Variants in TMEM14A observed in about 807,000 individuals in gnomAD.
The protein encoded by TMEM14A is transmembrane protein 14A.
Under a neutral mutation model 11.6 loss-of-function variants are expected in TMEM14A, and 8 were observed. The observed-to-expected ratio is 0.69, with a 90% confidence interval of 0.40 to 1.24. The LOEUF (loss-of-function observed/expected upper bound fraction) is 1.24. Among genes scored for constraint, TMEM14A ranks in the 50% most tolerant of loss-of-function variants. The pLI, the probability that TMEM14A is intolerant of heterozygous loss-of-function variation, is 0.01. For synonymous variants in TMEM14A, 34 were observed against 45.5 expected, an observed-to-expected ratio of 0.75 and a Z score of 1.02; for missense variants, 108 against 121.9, an observed-to-expected ratio of 0.89 and a Z score of 0.54.
chr6:52,673,807 T>TTG (rs2127261452), intron 1 of TMEM14A, among the ~76,000 whole-genome samples: 1 of 152,356 alleles, frequency 6.6e-6, no homozygotes, highest in African/African-American at 2.4e-5. Flanking sequence ...TAAGTCGAAT[T>TTG]GACTACAAAT....
intron 4 of TMEM14A, 103 bp from the exon 5 acceptor site, chr6:52,685,907 C>A: frequency 9.3e-7 from 1 of 1,071,316 alleles, no homozygotes; most frequent in Non-Finnish European, 1.3e-6. Flanking sequence ...AGCCCCCAAG[C>A]CAAGGATTAG....
At chr6:52,681,583 C>A (rs1769392537) in intron 2 of TMEM14A, among the ~76,000 whole-genome samples, 2 of 152,248 alleles carry the variant, frequency 1.3e-5, no homozygotes, top group African/African-American at 2.4e-5. Context: ...TCTAACCCCA[C>A]TGCACTGCTG....
chr6:52,677,275 T>G, intron 2 of TMEM14A, 103 bp downstream of exon 2: 1 of 1,277,690 alleles, frequency 7.8e-7, no homozygotes, highest in Non-Finnish European at 1.1e-6. Flanking sequence ...TAAAGATGCC[T>G]TAGAGGTGGC....
chr6:52,683,458 TCAACAACAACAA>T (rs569684284), intron 3 of TMEM14A, among the ~76,000 whole-genome samples: 1 of 143,332 alleles, frequency 7.0e-6, no homozygotes, highest in Non-Finnish European at 1.5e-5. Context: ...AGACTCTGTC[TCAACAACAACAA>T]CAACAACAAC....
chr6:52,673,549 G>A (rs1769201621), intron 1 of TMEM14A, among the ~76,000 whole-genome samples: 1 of 152,032 alleles, frequency 6.6e-6, no homozygotes, highest in South Asian at 2.1e-4. Flanking sequence ...GGTTAATAGG[G>A]GTTTGGCACA....
intron 1 of TMEM14A, among the ~76,000 whole-genome samples, chr6:52,674,405 A>G (rs534141376): frequency 6.6e-6 from 1 of 152,222 alleles, no homozygotes; most frequent in Middle Eastern, 3.4e-3. Flanking sequence ...TAGGACTGAG[A>G]CTTCCCTAAG....
chr6:52,673,080 G>A (rs950426491), intron 1 of TMEM14A, among the ~76,000 whole-genome samples: 16 of 152,022 alleles, frequency 1.1e-4, no homozygotes, highest in Non-Finnish European at 2.4e-4. Flanking sequence ...TTGCACATGC[G>A]CTCCCTTCTG....
intron 4 of TMEM14A, among the ~76,000 whole-genome samples, chr6:52,685,591 GA>G (rs56713067): frequency 1.4e-5 from 2 of 146,302 alleles, no homozygotes; most frequent in East Asian, 2.0e-4. Context: ...TCAGAAAAAA[GA>G]AAAAAAAAAG....
At chr6:52,683,286 C>T (rs1450767458) in intron 3 of TMEM14A, among the ~76,000 whole-genome samples, 2 of 151,926 alleles carry the variant, frequency 1.3e-5, no homozygotes, top group Non-Finnish European at 2.9e-5. Context: ...ATAGCAAGAC[C>T]CTGTCTCTAC....
At chr6:52,683,439 G>C (rs1350666080) in intron 3 of TMEM14A, among the ~76,000 whole-genome samples, 1 of 146,530 alleles carries the variant, frequency 6.8e-6, no homozygotes, top group Non-Finnish European at 1.5e-5. Context: ...CAGCCTGGGT[G>C]ACAGAGCAAG....
chr6:52,685,956 CTT>C, intron 4 of TMEM14A, 52 bp from the exon 5 acceptor site: 1 of 1,586,508 alleles, frequency 6.3e-7, no homozygotes, highest in Non-Finnish European at 8.6e-7. Context: ...CCCTTTCTGT[CTT>C]ATGCCAGATA....
At chr6:52,673,143 G>A (rs1383616108) in intron 1 of TMEM14A, among the ~76,000 whole-genome samples, 6 of 152,170 alleles carry the variant, frequency 3.9e-5, no homozygotes, top group South Asian at 2.1e-4. Flanking sequence ...ATGCTCCCCT[G>A]TAGGGTAAAT....
chr6:52,672,620 TCTC>T (rs1235350833), intron 1 of TMEM14A, among the ~76,000 whole-genome samples: 2 of 152,110 alleles, frequency 1.3e-5, no homozygotes, highest in African/African-American at 4.8e-5. Flanking sequence ...ACTCCCTACT[TCTC>T]CTAATGGTCT....
intron 2 of TMEM14A, among the ~76,000 whole-genome samples, chr6:52,680,655 G>GTA (rs1561875017): frequency 6.8e-4 from 6 of 8,854 alleles, no homozygotes; most frequent in African/African-American, 2.2e-3. Flanking sequence ...ATATATGTGT[G>GTA]TGTATATATA....
chr6:52,678,222 A>G (rs1360013038), intron 2 of TMEM14A, among the ~76,000 whole-genome samples: 1 of 152,206 alleles, frequency 6.6e-6, no homozygotes, highest in Admixed American at 6.5e-5. Context: ...TGTCTAAATA[A>G]CTTCTATTAC....
chr6:52,686,190 T>G lies in TMEM14A; in HGVS notation c.*141T>G. 1 of 719,660 alleles carries G rather than the reference T, an allele frequency of 1.4e-6. No individual in the cohort carries two copies. The highest frequency in any genetic ancestry group is 2.1e-6 in the Non-Finnish European group (1 of 487,668). The allele number at this position is 719,660 out of a possible 1,614,324, so 44.6% of individuals were successfully genotyped here. A position where few individuals can be genotyped will look rare whatever the true frequency, so the allele number is the denominator to read the frequency against. On this transcript the variant is annotated 3_prime_UTR_variant, in exon 5 of 5. Transcript: ENST00000211314. The stretch of plus-strand genomic sequence containing the variant: ...CTGTCACCTCTAATATGAACATTAG[T>G]TTGAGGTAGTTTTTTTCTAAAGCAA...
Position 52,677,172 on chromosome 6 carries a change from G to C in TMEM14A, c.70G>C (p.Gly24Arg). Residue 24 changes from glycine to arginine, a missense_variant and splice_region_variant, in exon 2 of 5, where the codon GGT becomes CGT. Physicochemically the swap from Gly to Arg is moderately radical, Grantham distance 125. Coordinates refer to ENST00000211314, the MANE Select transcript of TMEM14A (RefSeq NM_014051.4). ...AAGCATTTTTGGATATAAGCGGAGA[G>C]GTAAGCCTAACCCAAATTTTCATGA... ...FGSIFGYKRR[G>R]GVPSLIAGLF... 6.2e-7 allele frequency: 1 copy of C among 1,614,162 alleles called. No homozygotes were observed. The highest frequency in any genetic ancestry group is 1.1e-5 in the South Asian group (1 of 91,078).
chr6:52,680,349 A>C (rs1030645549), intron 2 of TMEM14A, among the ~76,000 whole-genome samples: 7 of 151,702 alleles, frequency 4.6e-5, no homozygotes, highest in African/African-American at 1.5e-4. Flanking sequence ...AGCCATGACG[A>C]ATAGAGTTTG....
rs775241093 is a variant in TMEM14A at position 52,677,077 on chromosome 6, C to T, written c.-16-10C>T. The T allele has an allele frequency of 6.2e-7, 1 of 1,613,546 alleles. No homozygotes were observed. ...ATTTTGTATAATTTGTCCTTTCCCCCTTGCTTTAGAATTGCAACCTTGCCA... is the reference window on the plus strand; with the variant it reads ...ATTTTGTATAATTTGTCCTTTCCCCTTTGCTTTAGAATTGCAACCTTGCCA... On this transcript the variant is annotated splice_polypyrimidine_tract_variant and intron_variant, in intron 1 of 4. Transcript: ENST00000211314.
Sources: allele counts gnomAD v4.1 joint callset (sites outside exome capture counted in the v4.1 genomes callset), GRCh38; gene constraint gnomAD v4.1.1; transcripts MANE v1.5; gene names NCBI Gene and HGNC (gene_info 2026-07-23, HGNC 2026-07-21).